The following PDZD7 variants were observed in gnomAD, a reference collection of about 807,000 sequenced individuals.
PDZD7 encodes the protein PDZ domain-containing protein 7.
In PDZD7, 72 loss-of-function variants were observed where a neutral mutation model predicts 84.7. The ratio of observed to expected loss-of-function variants is 0.85; its 90% CI spans 0.70 to 1.03. The LOEUF (loss-of-function observed/expected upper bound fraction) is 1.03, where lower values mean the gene tolerates loss of function less well. Ranked by LOEUF, PDZD7 falls within the 50% of genes least tolerant of loss-of-function variation. The pLI is 0.00. For synonymous variants in PDZD7, 594 were observed against 580.7 expected (o/e 1.02, Z -0.33); for missense variants, 1,490 against 1,412.9 (o/e 1.05, Z -0.87).
At chr10:101,017,650 G>C (rs1852696008) in intron 9 of PDZD7, 1 of 700,810 alleles carries the variant, frequency 1.4e-6, no homozygotes, top group African/African-American at 1.7e-5. Flanking sequence ...GCTGAGCATG[G>C]TGATGCACAC....
Position 101,011,575 on chromosome 10 carries a change from A to C in PDZD7, c.2005+115T>G. 6.8e-7 allele frequency: 1 copy of C among 1,474,988 alleles called. No individual in the cohort carries two copies. The highest frequency in any genetic ancestry group is 9.0e-7 in the Non-Finnish European group (1 of 1,113,924). The allele number at this position is 1,474,988 out of a possible 1,614,324, so 91.4% of individuals were successfully genotyped here. A position where few individuals can be genotyped will look rare whatever the true frequency, so the allele number is the denominator to read the frequency against. ...CAAGAGCTTTCCTTCAGGGAACCACAATGTGCCTGGAAGCCACAACTGCCC... is the reference window on the plus strand; with the variant it reads ...CAAGAGCTTTCCTTCAGGGAACCACCATGTGCCTGGAAGCCACAACTGCCC... On this transcript the variant is annotated intron_variant, in intron 14 of 16. Transcript: ENST00000619208.
rs187871187 is a variant in PDZD7, at chr10:101,011,081, C to T, written c.2006-198G>A. On this transcript the variant is annotated intron_variant, in intron 14 of 16. Coordinates refer to ENST00000619208, the MANE Select transcript of PDZD7 (RefSeq NM_001195263.2). ...TATTTATTTGAGATGGAATCTCACT[C>T]TGTTGCCCAGGCGTGGTGGCGCGAT... The T allele has an allele frequency of 1.6e-4, 234 of 1,423,370 alleles. No individual in the cohort carries two copies. The East Asian group carries it at 4.4e-3, about 27-fold the overall frequency. 88.2% of individuals were successfully genotyped at this position (1,423,370 alleles called of 1,614,324 possible). A position where few individuals can be genotyped will look rare whatever the true frequency, so the allele number is the denominator to read the frequency against.
Position 101,018,271 on chromosome 10 carries a change from C to G in PDZD7, c.1350G>C (p.Glu450Asp). Residue 450 changes from glutamate (E) to aspartate (D), a missense_variant, in exon 9 of 17, where the codon GAG becomes GAC. Glu to Asp is a conservative substitution (Grantham distance 45). Transcript: ENST00000619208. Reference protein sequence around the residue: ...LWEEKQQRKKEKSGSPGEKGA... With the variant: ...LWEEKQQRKKDKSGSPGEKGA... ...CCTTCTCCCCAGGGGACCCCGACTT[C>G]TCCTTCTTCCGCTGCTGCTTCTCCT... 1 of 1,611,548 alleles carries G rather than the reference C, an allele frequency of 6.2e-7. No individual in the cohort carries two copies. The highest frequency in any genetic ancestry group is 8.5e-7 in the Non-Finnish European group (1 of 1,178,748).
At chr10:101,018,719 T>G in intron 8 of PDZD7, 103 bp downstream of exon 8, 1 of 1,424,194 alleles carries the variant, frequency 7.0e-7, no homozygotes, top group South Asian at 1.5e-5. Flanking sequence ...AAGGGCTTCG[T>G]CAAGGCCTGG....
chr10:101,019,544 C>T (rs1423712672), intron 7 of PDZD7, among the ~76,000 whole-genome samples: 1 of 71,560 alleles, frequency 1.4e-5, no homozygotes, highest in East Asian at 3.8e-4. Context: ...CTGCTTCTGC[C>T]TCCTCCTCCT....
At chr10:101,024,696 G>A (rs1189543534) in intron 2 of PDZD7, among the ~76,000 whole-genome samples, 2 of 151,342 alleles carry the variant, frequency 1.3e-5, no homozygotes, top group African/African-American at 4.9e-5. Flanking sequence ...CAGGAGCCCA[G>A]GAGGTCGAGG....
rs202036244 is a variant in PDZD7 at position 101,017,823 on chromosome 10, A to AAAGGAAGG, written c.1522+268_1522+275dup. The AAAGGAAGG allele has an allele frequency of 1.1e-5, 4 of 363,148 alleles. No homozygotes were observed. The East Asian group carries it at 1.5e-4, about 14-fold the overall frequency. 22.5% of individuals were successfully genotyped at this position (363,148 alleles called of 1,614,324 possible). A position where few individuals can be genotyped will look rare whatever the true frequency, so the allele number is the denominator to read the frequency against. On this transcript the variant is annotated intron_variant, in intron 9 of 16. Transcript: ENST00000619208. ...AGAAAGAAAAAGAAAGAAAGGAAAG[A>AAAGGAAGG]AAGGAAGGAAGGAAGGAAAGAAAGA...
rs1271108570 is a variant in PDZD7, at chr10:101,011,941, G to C, written c.1917C>G (p.Ala639=). 1 of 1,550,314 alleles carries C rather than the reference G, an allele frequency of 6.5e-7. No homozygotes were observed. The highest frequency in any genetic ancestry group is 8.7e-7 in the Non-Finnish European group (1 of 1,146,982). Residue 639 remains alanine (A), a synonymous_variant, in exon 13 of 17, where the codon GCC becomes GCG. Coordinates refer to ENST00000619208, the MANE Select transcript of PDZD7 (RefSeq NM_001195263.2). ...ACTGCTGACCTGCCCTGCTCTTGAG[G>C]GCCTCAAAAGCCTCCAGCTCCACAA... The part of the protein sequence containing the change: ...VMLVELEAFE[A]LKSRAVRPPA...
In PDZD7 at chr10:101,030,314, G is replaced by A. The variant is rs986849370; in HGVS notation, c.-95C>T. The A allele has an allele frequency of 1.9e-5, 21 of 1,091,454 alleles. No homozygotes were observed. Among genetic ancestry groups the A allele is most frequent in the Non-Finnish European group, 2.7e-5 (20 of 740,520 alleles). The allele number at this position is 1,091,454 out of a possible 1,614,324, so 67.6% of individuals were successfully genotyped here. On this transcript the variant is annotated 5_prime_UTR_variant, in exon 2 of 17. Transcript: ENST00000619208. ...CGTGCTTCGAGCTCCATGAGCCTCT[G>A]TGCGGGGCTGGGGTCTCAGTAACGT...
chr10:101,009,481 C>T (rs1852319134), intron 15 of PDZD7, 131 bp from the exon 16 acceptor site: 3 of 727,520 alleles, frequency 4.1e-6, no homozygotes, highest in African/African-American at 3.5e-5. Flanking sequence ...TCTGTTACTA[C>T]TCAAATCTCA....
intron 9 of PDZD7, 191 bp downstream of exon 9, chr10:101,017,895 AGAAAGAAAGAAAG>A: frequency 2.5e-6 from 1 of 401,070 alleles, no homozygotes; most frequent in Non-Finnish European, 4.3e-6. Flanking sequence ...AAGAAAGAAA[AGAAAGAAAGAAAG>A]AAAGAAAAGA....
At position 101,019,083 on chromosome 10, in the gene PDZD7, CCT is replaced by C; in HGVS notation, c.1061_1062del (p.Glu354GlyfsTer55). The C allele has an allele frequency of 3.2e-6, 5 of 1,566,594 alleles. No homozygotes were observed. Among genetic ancestry groups the C allele is most frequent in the Non-Finnish European group, 4.3e-6 (5 of 1,163,272 alleles). On this transcript the variant is annotated frameshift_variant, in exon 8 of 17. Transcript: ENST00000619208. LOFTEE classifies it high-confidence loss of function. ...SDRMDICLGQEEPGSRGPGWG... is the reference protein window; with the variant it reads ...SDRMDICLGQXEPGSRGPGWG... The stretch of plus-strand genomic sequence containing the variant: ...CAGCCTGGGCCGCGGCTGCCGGGCT[CCT>C]CCTGCCCGAGGCAGATGTCCATGCG...
chr10:101,008,715 GC>G lies in PDZD7; in HGVS notation c.2853del (p.Ser953AlafsTer92). The G allele has an allele frequency of 6.5e-7, 1 of 1,535,982 alleles. No homozygotes were observed. Among genetic ancestry groups the G allele is most frequent in the Non-Finnish European group, 8.7e-7 (1 of 1,146,848 alleles). ...TCAGAGGGTGAGGGCCGTGGGCTGGGCCCGGGGACCCTGACCACAAGCTCCA... is the reference window on the plus strand; with the variant it reads ...TCAGAGGGTGAGGGCCGTGGGCTGGGCCGGGGACCCTGACCACAAGCTCCA... ...EPMELVVRVPGPSPRPSPSDS... is the reference protein window; with the variant it reads ...EPMELVVRVPXPSPRPSPSDS... On this transcript the variant is annotated frameshift_variant, in exon 17 of 17. Transcript: ENST00000619208. LOFTEE classifies it low-confidence loss of function (END_TRUNC).
At chr10:101,011,336 C>T (rs901413780) in intron 14 of PDZD7, 1 of 445,294 alleles carries the variant, frequency 2.2e-6, no homozygotes, top group South Asian at 3.5e-5. Flanking sequence ...CCACCGCGCC[C>T]GGCCTAGAAT....
chr10:101,026,762 T>C (rs979313959), intron 2 of PDZD7, among the ~76,000 whole-genome samples: 25 of 146,978 alleles, frequency 1.7e-4, no homozygotes, highest in African/African-American at 4.3e-4. Context: ...CCAGGGCAGC[T>C]CAGAAAGAAA....
Position 101,018,131 on chromosome 10 carries a change from G to GCCAGGCTCCCGCTGTCCAGTGT in PDZD7, c.1468_1489dup (p.Ala497AspfsTer36). ...TATGTCCAGGCGAGGGTAAGTTTTG[G>GCCAGGCTCCCGCTGTCCAGTGT]CCAGGCTCCCGCTGTCCAGTGTCCA... On this transcript the variant is annotated frameshift_variant, in exon 9 of 17. Coordinates refer to ENST00000619208, the MANE Select transcript of PDZD7 (RefSeq NM_001195263.2). LOFTEE classifies it high-confidence loss of function. 1.2e-6 allele frequency: 2 copies of GCCAGGCTCCCGCTGTCCAGTGT among 1,614,124 alleles called. No homozygotes were observed. Among genetic ancestry groups the GCCAGGCTCCCGCTGTCCAGTGT allele is most frequent in the Non-Finnish European group, 1.7e-6 (2 of 1,180,002 alleles).
At chr10:101,014,270 C>A (rs576895801) in intron 11 of PDZD7, among the ~76,000 whole-genome samples, 1 of 152,136 alleles carries the variant, frequency 6.6e-6, no homozygotes, top group Non-Finnish European at 1.5e-5. Flanking sequence ...ACTAGGAGAA[C>A]TTTACTCATC....
intron 15 of PDZD7, among the ~76,000 whole-genome samples, chr10:101,009,934 G>GC (rs1205643223): frequency 6.6e-6 from 1 of 151,904 alleles, no homozygotes; most frequent in Non-Finnish European, 1.5e-5. Flanking sequence ...TGTCACCCAG[G>GC]CTGGAGTGCA....
Position 101,023,593 on chromosome 10 carries a change from C to A in PDZD7, c.385G>T (p.Val129Leu), listed in dbSNP as rs757413778. Residue 129 changes from valine to leucine, a missense_variant, in exon 4 of 17, where the codon GTG becomes TTG. Coordinates refer to ENST00000619208, the MANE Select transcript of PDZD7 (RefSeq NM_001195263.2). ...TTCACCTCCGTGATCTTGTCCCCCA[C>A]GCACAGGCCAGCCCGCTCTGCACCA... The part of the protein sequence containing the change: ...GSSAERAGLC[V>L]GDKITEVNGL... 3.1e-6 allele frequency: 5 copies of A among 1,612,782 alleles called. No individual in the cohort carries two copies. In the South Asian group the frequency reaches 4.4e-5, roughly 14 times the overall value.
Sources: gnomAD v4.1 joint callset for allele counts (sites outside exome capture counted in the v4.1 genomes callset) on GRCh38, gnomAD v4.1.1 for gene constraint, MANE v1.5 for transcripts, NCBI Gene and HGNC (gene_info 2026-07-23, HGNC 2026-07-21) for gene names.